The following RBPMS variants were observed in gnomAD, a reference collection of about 807,000 sequenced individuals.
RBPMS encodes RNA-binding protein with multiple splicing.
In RBPMS, 7 loss-of-function variants were observed where a neutral mutation model predicts 26.8. That is an observed-to-expected ratio of 0.26 (90% confidence interval 0.15 to 0.49). The LOEUF (loss-of-function observed/expected upper bound fraction) is 0.49, where lower values mean the gene tolerates loss of function less well. Ranked by LOEUF, RBPMS falls within the 20% of genes least tolerant of loss-of-function variation. The pLI is 0.98. For synonymous variants in RBPMS, 96 were observed against 93.3 expected (o/e 1.03, Z -0.17); for missense variants, 186 against 250.0 (o/e 0.74, Z 1.73).
At position 30,455,612 on chromosome 8, in the gene RBPMS, G is replaced by A. The variant is rs370965549; in HGVS notation, c.67-19167G>A. ...ATAATTATAAGAGACAATGCAGGCC[G>A]GGCGTGGGAGCTCACGCCTGTAATC... is the stretch of plus-strand genomic sequence containing the variant. On this transcript the variant is annotated intron_variant, in intron 1 of 8. Coordinates refer to ENST00000397323, the MANE Select transcript of RBPMS (RefSeq NM_001008710.3). 8.5e-5 allele frequency among the ~76,000 whole-genome samples: 13 copies of A among 152,236 alleles called. No homozygotes were observed. The South Asian group carries it at 1.5e-3, about 17-fold the overall frequency.
intron 6 of RBPMS, chr8:30,555,848 C>A: frequency 1.0e-6 from 1 of 981,832 alleles, no homozygotes; most frequent in African/African-American, 1.7e-5. Flanking sequence ...CCGAATGGGG[C>A]TAAGAGAGAA....
At chr8:30,540,487 G>A (rs1350136769) in intron 5 of RBPMS, among the ~76,000 whole-genome samples, 2 of 152,190 alleles carry the variant, frequency 1.3e-5, no homozygotes, top group South Asian at 2.1e-4. Context: ...TAGTGGCACA[G>A]TCAGAGCGCA....
chr8:30,528,953 T>C (rs1198749827), intron 5 of RBPMS, among the ~76,000 whole-genome samples: 2 of 152,086 alleles, frequency 1.3e-5, no homozygotes, highest in Non-Finnish European at 2.9e-5. Context: ...CAGTGGCTCA[T>C]GCCTGTAATC....
At chr8:30,515,412 G>A (rs1334663801) in intron 5 of RBPMS, among the ~76,000 whole-genome samples, 1 of 151,950 alleles carries the variant, frequency 6.6e-6, no homozygotes, top group Non-Finnish European at 1.5e-5. Context: ...ACCTGTAAAG[G>A]GTATTGAAAT....
At chr8:30,475,139 A>G (rs1243326355) in intron 2 of RBPMS, among the ~76,000 whole-genome samples, 1 of 152,224 alleles carries the variant, frequency 6.6e-6, no homozygotes, top group Non-Finnish European at 1.5e-5. Context: ...AAATGTAAAT[A>G]GGTTTTTATG....
intron 7 of RBPMS, among the ~76,000 whole-genome samples, chr8:30,562,508 A>G (rs892985418): frequency 6.6e-6 from 1 of 152,092 alleles, no homozygotes; most frequent in African/African-American, 2.4e-5. Flanking sequence ...CAGCCCATCT[A>G]AAGTTAGACT....
At chr8:30,514,548 A>T (rs974069633) in intron 5 of RBPMS, among the ~76,000 whole-genome samples, 1 of 149,756 alleles carries the variant, frequency 6.7e-6, no homozygotes. Flanking sequence ...ATGTTAATGA[A>T]TTTTTTTTTT....
rs888273365 is a variant in RBPMS at position 30,464,447 on chromosome 8, T to C, written c.67-10332T>C. Among the ~76,000 whole-genome samples the C allele has an allele frequency of 2.0e-5, 3 of 152,222 alleles. No homozygotes were observed. In the South Asian group the frequency reaches 6.2e-4, roughly 31 times the overall value. On this transcript the variant is annotated intron_variant, in intron 1 of 8. Transcript: ENST00000397323. The stretch of plus-strand genomic sequence containing the variant: ...CCACCCCAGCTTTCTAGTTCACACC[T>C]TCTCTAATTGTTAGAAGCATATTGC...
rs1827214707 is a variant in RBPMS, at chr8:30,558,905, T to C, written c.547T>C (p.Ser183Pro). Reference sequence around the variant, plus strand: ...TTTTCAGATGCGCTGGCTCCCTCCCTCCGAGGCTACTTCTCAGGGCTGGAA... The same window carrying C: ...TTTTCAGATGCGCTGGCTCCCTCCCCCCGAGGCTACTTCTCAGGGCTGGAA... ...LHAQMRWLPP[S>P]EATSQGWKSR... is the part of the protein sequence containing the mutation. The change falls in exon 7 of 9, where the codon TCC becomes CCC. Residue 183 changes from serine to proline, a missense_variant. Physicochemically the swap from Ser to Pro is moderately conservative, Grantham distance 74 (BLOSUM62 -1). Transcript: ENST00000397323. 3 of 1,614,004 alleles carry C rather than the reference T, an allele frequency of 1.9e-6. No homozygotes were observed. Among genetic ancestry groups the C allele is most frequent in the Non-Finnish European group, 2.5e-6 (3 of 1,180,026 alleles).
chr8:30,430,183 G>A (rs1013656544), intron 1 of RBPMS, among the ~76,000 whole-genome samples: 1 of 152,164 alleles, frequency 6.6e-6, no homozygotes, highest in Non-Finnish European at 1.5e-5. Context: ...TCATGCCACT[G>A]CACTCCAGCC....
rs557247432 is a variant in RBPMS at position 30,542,870 on chromosome 8, T to C, written c.398-1624T>C. Among the ~76,000 whole-genome samples the C allele has an allele frequency of 3.3e-5, 5 of 152,306 alleles. No homozygotes were observed. In the East Asian group the frequency reaches 7.7e-4, roughly 23 times the overall value. ...CCCTCTGAGGGTGGTCCCTAAGCCT[T>C]GGGCTACAGGCACCTACACACCCTA... On this transcript the variant is annotated intron_variant, in intron 5 of 8. Transcript: ENST00000397323.
intron 8 of RBPMS, among the ~76,000 whole-genome samples, chr8:30,566,675 T>C (rs1827910138): frequency 6.6e-6 from 1 of 152,196 alleles, no homozygotes; most frequent in South Asian, 2.1e-4. Context: ...CCTAGGGAAA[T>C]GTTACTGAAA....
intron 6 of RBPMS, chr8:30,545,089 G>C: frequency 7.4e-7 from 1 of 1,358,056 alleles, no homozygotes; most frequent in African/African-American, 1.5e-5. Context: ...CAAAGGGAAA[G>C]CTTCCAGGGG....
At chr8:30,473,707 A>G (rs1318605355) in intron 1 of RBPMS, among the ~76,000 whole-genome samples, 7 of 152,212 alleles carry the variant, frequency 4.6e-5, no homozygotes, top group African/African-American at 1.4e-4. Context: ...ATGTCCATCA[A>G]TGATAGACTA....
intron 1 of RBPMS, among the ~76,000 whole-genome samples, chr8:30,410,629 A>G (rs1809256312): frequency 6.6e-6 from 1 of 151,790 alleles, no homozygotes. Flanking sequence ...CTACTCTTTT[A>G]TATTTCCAGC....
chr8:30,503,003 CAGTT>C (rs1563382786), intron 4 of RBPMS, among the ~76,000 whole-genome samples: 1 of 148,284 alleles, frequency 6.7e-6, no homozygotes, highest in Non-Finnish European at 1.5e-5. Context: ...CTACTGCCCT[CAGTT>C]GGTTTCTTCT....
At chr8:30,413,569 G>C (rs78098502) in intron 1 of RBPMS, among the ~76,000 whole-genome samples, 2 of 152,096 alleles carry the variant, frequency 1.3e-5, no homozygotes, top group Non-Finnish European at 2.9e-5. Context: ...TATTTGGTGC[G>C]GTGGGGAGCA....
chr8:30,500,686 T>G (rs1177077490), intron 4 of RBPMS, among the ~76,000 whole-genome samples: 2 of 152,198 alleles, frequency 1.3e-5, no homozygotes, highest in Admixed American at 6.5e-5. Context: ...TTTCTGTGTC[T>G]CTATATAGGC....
In RBPMS at chr8:30,385,169, G is replaced by A; in HGVS notation, c.66+11G>A. 6.7e-7 allele frequency: 1 copy of A among 1,482,062 alleles called. No individual in the cohort carries two copies. The highest frequency in any genetic ancestry group is 9.0e-7 in the Non-Finnish European group (1 of 1,113,868). 91.8% of individuals were successfully genotyped at this position (1,482,062 alleles called of 1,614,324 possible). ...CTTCAGGAGGAGGAGGTACTGGGCG[G>A]CTCGGTGTGGTGGCGGGGGCGACGC... On this transcript the variant is annotated intron_variant, in intron 1 of 8. Transcript: ENST00000397323.
Sources: allele counts gnomAD v4.1 joint callset (sites outside exome capture counted in the v4.1 genomes callset), GRCh38; gene constraint gnomAD v4.1.1; transcripts MANE v1.5; gene names NCBI Gene and HGNC (gene_info 2026-07-23, HGNC 2026-07-21).